The following ANKRD42 variants were observed in gnomAD, a reference collection of about 807,000 sequenced individuals.
The protein encoded by ANKRD42 is ankyrin repeat domain 42.
Under a neutral mutation model 51.5 loss-of-function variants are expected in ANKRD42, and 43 were observed. That is an observed-to-expected ratio of 0.83 (90% CI 0.65 to 1.08). ANKRD42 has a LOEUF of 1.08. ANKRD42 is among the 50% of genes least tolerant of loss of function. ANKRD42 has a pLI of 0.00. For missense variants in ANKRD42, 608 were observed against 629.3 expected, an observed-to-expected ratio of 0.97 and a Z score of 0.36; for synonymous variants, 203 against 213.0, an observed-to-expected ratio of 0.95 and a Z score of 0.41.
At chr11:83,253,508 C>T (rs1418926450), downstream of ANKRD42, among the ~76,000 whole-genome samples, 1 of 151,942 alleles carries the variant, frequency 6.6e-6, no homozygotes, top group African/African-American at 2.4e-5. Context: ...GTTCGACAAA[C>T]CTGTTCTTTC....
intron 2 of ANKRD42, among the ~76,000 whole-genome samples, chr11:83,200,949 A>G (rs922712283): frequency 2.0e-5 from 3 of 152,008 alleles, no homozygotes; most frequent in African/African-American, 7.2e-5. Flanking sequence ...ACTGTTCCAT[A>G]TTATCATAGG....
intron 5 of ANKRD42, chr11:83,212,747 T>C: frequency 1.3e-6 from 2 of 1,535,690 alleles, no homozygotes; most frequent in Non-Finnish European, 1.7e-6. Context: ...GCCTCATCTT[T>C]CTATATCTTT....
chr11:83,215,698 G>A (rs1380788066), intron 5 of ANKRD42, among the ~76,000 whole-genome samples: 1 of 152,176 alleles, frequency 6.6e-6, no homozygotes, highest in East Asian at 1.9e-4. Flanking sequence ...AGGTCACAAA[G>A]AAAGGAATAG....
Position 83,225,090 on chromosome 11 carries a change from GTGA to G in ANKRD42, c.787+52_787+54del, listed in dbSNP as rs542322248. 886 of 1,524,814 alleles carry G rather than the reference GTGA, an allele frequency of 5.8e-4. 2 individuals are homozygous for G. The highest frequency in any genetic ancestry group is 2.2e-3 in the South Asian group (190 of 84,460). 94.5% of individuals were successfully genotyped at this position (1,524,814 alleles called of 1,614,324 possible). On this transcript the variant is annotated intron_variant, in intron 6 of 10. Coordinates refer to ENST00000533342, the MANE Select transcript of ANKRD42 (RefSeq NM_001300975.2). ...TAAGTTATATGTTCTAGCATATAAT[GTGA>G]TGATGATGATGATGATAATATAATG...
Position 83,210,347 on chromosome 11 carries a change from A to T in ANKRD42, c.378A>T (p.Gly126=), listed in dbSNP as rs188382473. ...ATCTGACAGCCCAGGATGACCGGGG[A>T]TGCACTCCTTTACATCTTGCTGCAA... The part of the protein sequence containing the change: ...GANLTAQDDR[G]CTPLHLAATH... The change falls in exon 4 of 11, where the codon GGA becomes GGT. Residue 126 remains glycine (G), a synonymous_variant. Transcript: ENST00000533342. 1.2e-5 allele frequency: 19 copies of T among 1,613,988 alleles called. No homozygotes were observed. The African/African-American group carries it at 1.3e-4, about 11-fold the overall frequency.
intron 5 of ANKRD42, chr11:83,212,770 A>G (rs1049934336): frequency 6.6e-7 from 1 of 1,517,912 alleles, no homozygotes; most frequent in African/African-American, 1.4e-5. Context: ...ACTACTGTCC[A>G]GGATCATTTT....
At chr11:83,259,733 T>A (rs561091446), downstream of ANKRD42, 1 of 152,350 alleles carries the variant, frequency 6.6e-6, no homozygotes, top group East Asian at 1.9e-4. Context: ...ATGATCATGG[T>A]ACACTTTAGC....
intron 8 of ANKRD42, among the ~76,000 whole-genome samples, chr11:83,238,512 T>C (rs558641904): frequency 6.6e-6 from 1 of 152,188 alleles, no homozygotes; most frequent in Admixed American, 6.5e-5. Context: ...CTGGCCAACA[T>C]GGTGAAACCC....
chr11:83,257,380 G>A, downstream of ANKRD42: 1 of 449,278 alleles, frequency 2.2e-6, no homozygotes, highest in East Asian at 7.0e-5. Flanking sequence ...GGGAAAGGAA[G>A]AGAAAATAGA....
At chr11:83,226,791 CCCTGCCTCTAAACA>C (rs1414810361) in intron 6 of ANKRD42, among the ~76,000 whole-genome samples, 7 of 118,700 alleles carry the variant, frequency 5.9e-5, no homozygotes, top group Non-Finnish European at 8.7e-5. Context: ...CAAAGTGAGA[CCCTGCCTCTAAACA>C]AAACAAAACA....
intron 7 of ANKRD42, among the ~76,000 whole-genome samples, chr11:83,228,271 G>A (rs7483262): frequency 5.2e-5 from 3 of 57,368 alleles, no homozygotes; most frequent in Admixed American, 3.5e-4. Context: ...TTTTTTTTTA[G>A]ACCGGGTCTG....
rs1381773524 is a variant in ANKRD42, at chr11:83,255,210, A to G, written c.1465-635A>G. Among the ~76,000 whole-genome samples, 10 of 152,374 alleles carry G rather than the reference A, an allele frequency of 6.6e-5. No homozygotes were observed. The South Asian group carries it at 1.0e-3, about 16-fold the overall frequency. ...GTTTGATTAGAAGAATTACTCAAAG[A>G]TGATTAATATCTAGTGACCATCCAT... On this transcript the variant is annotated intron_variant, in intron 11 of 11. Transcript: ENST00000260047.
At chr11:83,216,919 G>A (rs1403211076) in intron 5 of ANKRD42, among the ~76,000 whole-genome samples, 2 of 152,174 alleles carry the variant, frequency 1.3e-5, no homozygotes, top group African/African-American at 4.8e-5. Context: ...CAGTCATTCT[G>A]GCTACTTCCT....
intron 1 of ANKRD42, among the ~76,000 whole-genome samples, chr11:83,196,396 A>AGTGT (rs1428938974): frequency 0.02 from 2,628 of 133,080 alleles, 74 homozygotes; most frequent in African/African-American, 0.067. Context: ...TGAGTGTGTG[A>AGTGT]GAGTGTGTGT....
chr11:83,237,847 G>C (rs680562), intron 8 of ANKRD42, among the ~76,000 whole-genome samples: 108,391 of 152,086 alleles, frequency 0.71, 39,391 homozygotes, highest in African/African-American at 0.84. Flanking sequence ...ATTCATCACC[G>C]TCAAAGTCTC....
intron 2 of ANKRD42, among the ~76,000 whole-genome samples, chr11:83,200,648 G>C (rs1861832894): frequency 6.6e-6 from 1 of 152,120 alleles, no homozygotes. Context: ...TTTGTCTCCT[G>C]AATTTGTCCT....
chr11:83,203,244 C>T (rs1046727260), intron 2 of ANKRD42, among the ~76,000 whole-genome samples: 2 of 152,138 alleles, frequency 1.3e-5, no homozygotes, highest in African/African-American at 4.8e-5. Flanking sequence ...ATCCACTTGT[C>T]TTGGCCTCCC....
chr11:83,247,250 G>A (rs185989223), intron 10 of ANKRD42, among the ~76,000 whole-genome samples: 16 of 151,496 alleles, frequency 1.1e-4, no homozygotes, highest in Admixed American at 8.5e-4. Flanking sequence ...TGTATTTTTA[G>A]TAGAGATAGG....
downstream of ANKRD42, among the ~76,000 whole-genome samples, chr11:83,250,909 A>AACTACTGTTCAGAT (rs1405738079): frequency 6.6e-6 from 1 of 152,110 alleles, no homozygotes; most frequent in Non-Finnish European, 1.5e-5. Context: ...TTTCTATCTG[A>AACTACTGTTCAGAT]ACTACTGTGA....
Sources: gnomAD v4.1 joint callset for allele counts (sites outside exome capture counted in the v4.1 genomes callset) on GRCh38, gnomAD v4.1.1 for gene constraint, MANE v1.5 for transcripts, NCBI Gene and HGNC (gene_info 2026-07-23, HGNC 2026-07-21) for gene names.